Variants in DPP10 observed in about 807,000 individuals in gnomAD.
The protein encoded by DPP10 is dipeptidyl peptidase like 10.
In DPP10, 33 loss-of-function variants were observed where a neutral mutation model predicts 120.9. The observed-to-expected ratio is 0.27, with a 90% confidence interval of 0.21 to 0.37. DPP10 has a LOEUF of 0.37. Among genes scored for constraint, DPP10 ranks in the 10% least tolerant of loss-of-function variants. The pLI, the probability that DPP10 is intolerant of heterozygous loss-of-function variation, is 1.00. For missense variants in DPP10, 816 were observed against 942.8 expected, an observed-to-expected ratio of 0.87 and a Z score of 1.76; for synonymous variants, 337 against 326.1, an observed-to-expected ratio of 1.03 and a Z score of -0.36.
At chr2:115,699,843 C>A (rs1456760345) in intron 7 of DPP10, among the ~76,000 whole-genome samples, 1 of 152,176 alleles carries the variant, frequency 6.6e-6, no homozygotes, top group African/African-American at 2.4e-5. Flanking sequence ...AACTGGGATT[C>A]ATTCTTGAAA....
At chr2:115,479,201 A>G (rs956991940) in intron 3 of DPP10, among the ~76,000 whole-genome samples, 6 of 152,172 alleles carry the variant, frequency 3.9e-5, no homozygotes, top group African/African-American at 1.4e-4. Flanking sequence ...TGGGATATAC[A>G]TACAATGGGA....
chr2:114,630,127 T>G (rs752928962), intron 1 of DPP10, among the ~76,000 whole-genome samples: 12 of 152,138 alleles, frequency 7.9e-5, no homozygotes, highest in Non-Finnish European at 1.6e-4. Flanking sequence ...AGATGATCGT[T>G]TTTTCTCTCT....
intron 1 of DPP10, among the ~76,000 whole-genome samples, chr2:114,872,575 T>C (rs1690777167): frequency 6.6e-6 from 1 of 152,202 alleles, no homozygotes; most frequent in African/African-American, 2.4e-5. Flanking sequence ...GGTACTTCAA[T>C]TGTATAGCTA....
At chr2:115,616,773 A>G (rs114750860) in intron 5 of DPP10, among the ~76,000 whole-genome samples, 8,782 of 151,860 alleles carry the variant, frequency 0.058, 365 homozygotes, top group Middle Eastern at 0.12. Flanking sequence ...GTCTCTTTTA[A>G]TTTCTAAAAA....
chr2:115,255,162 T>A (rs759217216), intron 1 of DPP10, among the ~76,000 whole-genome samples: 44 of 152,250 alleles, frequency 2.9e-4, no homozygotes, highest in Admixed American at 1.3e-3. Flanking sequence ...TTCTGAAATC[T>A]AGGCGGAGGT....
intron 1 of DPP10, among the ~76,000 whole-genome samples, chr2:114,512,402 G>A (rs1684220382): frequency 6.6e-6 from 1 of 152,022 alleles, no homozygotes; most frequent in South Asian, 2.1e-4. Context: ...ACGTTCATTT[G>A]TCTCACAAAC....
intron 1 of DPP10, among the ~76,000 whole-genome samples, chr2:114,966,237 T>A (rs753071656): frequency 1.2e-3 from 185 of 152,240 alleles, no homozygotes; most frequent in Non-Finnish European, 1.8e-3. Flanking sequence ...GGTTTGTTCT[T>A]GCCCAAACTC....
intron 1 of DPP10, among the ~76,000 whole-genome samples, chr2:114,497,333 A>T (rs1255280753): frequency 3.8e-5 from 1 of 26,180 alleles, no homozygotes; most frequent in East Asian, 1.1e-3. Context: ...ACGTGTATAC[A>T]TGTACATATA....
intron 2 of DPP10, among the ~76,000 whole-genome samples, chr2:115,337,773 A>G (rs1158716185): frequency 1.3e-5 from 2 of 151,500 alleles, no homozygotes; most frequent in Non-Finnish European, 2.9e-5. Flanking sequence ...TCTTTATTCT[A>G]GGAATGAAAA....
chr2:115,470,296 T>G (rs1299690792), intron 3 of DPP10, among the ~76,000 whole-genome samples: 1 of 152,284 alleles, frequency 6.6e-6, no homozygotes, highest in East Asian at 1.9e-4. Flanking sequence ...GGTAAAACTG[T>G]TTCTGTTACA....
chr2:115,841,640 G>A (rs10168785), intron 25 of DPP10, among the ~76,000 whole-genome samples: 5,342 of 152,168 alleles, frequency 0.035, 320 homozygotes, highest in African/African-American at 0.12. Flanking sequence ...GCAATGAGGC[G>A]CCATTTAAAC....
At chr2:115,748,367 T>C (rs1678276365) in intron 10 of DPP10, among the ~76,000 whole-genome samples, 1 of 152,000 alleles carries the variant, frequency 6.6e-6, no homozygotes, top group Non-Finnish European at 1.5e-5. Flanking sequence ...TCTTTTTTAG[T>C]ACTTTTTTCC....
At chr2:114,487,158 G>A (rs1263066187) in intron 1 of DPP10, among the ~76,000 whole-genome samples, 2 of 152,126 alleles carry the variant, frequency 1.3e-5, no homozygotes, top group Non-Finnish European at 2.9e-5. Context: ...GAAAATTTTT[G>A]TTCCATATCT....
At chr2:115,766,891 A>G (rs960131225) in intron 12 of DPP10, among the ~76,000 whole-genome samples, 2 of 152,156 alleles carry the variant, frequency 1.3e-5, no homozygotes, top group Non-Finnish European at 2.9e-5. Flanking sequence ...GGTTACTGCT[A>G]AACCATTCGT....
chr2:115,120,506 A>G (rs192741130), intron 1 of DPP10, among the ~76,000 whole-genome samples: 11 of 152,290 alleles, frequency 7.2e-5, no homozygotes, highest in African/African-American at 2.6e-4. Context: ...AAAACACAAT[A>G]AAGTCTGACC....
intron 4 of DPP10, among the ~76,000 whole-genome samples, chr2:115,514,401 T>C (rs1013473986): frequency 6.6e-6 from 1 of 151,754 alleles, no homozygotes; most frequent in South Asian, 2.1e-4. Flanking sequence ...TGGTTTTCCT[T>C]CTTTTTAAAT....
chr2:115,679,899 GA>G (rs2090532057), intron 5 of DPP10, among the ~76,000 whole-genome samples: 1 of 149,892 alleles, frequency 6.7e-6, no homozygotes, highest in Admixed American at 6.6e-5. Context: ...ATTATAGCTA[GA>G]AAAAAGAAGG....
chr2:115,166,528 T>C (rs2052871824), intron 1 of DPP10, among the ~76,000 whole-genome samples: 1 of 141,656 alleles, frequency 7.1e-6, no homozygotes, highest in South Asian at 2.1e-4. Flanking sequence ...AATATAAATA[T>C]ATATATAAAT....
At chr2:114,769,199 C>A (rs1681023943) in intron 1 of DPP10, among the ~76,000 whole-genome samples, 1 of 152,086 alleles carries the variant, frequency 6.6e-6, no homozygotes, top group South Asian at 2.1e-4. Context: ...CGATAAAACC[C>A]AGGAATCAGA....
Sources: allele counts gnomAD v4.1 joint callset (sites outside exome capture counted in the v4.1 genomes callset), GRCh38; gene constraint gnomAD v4.1.1; transcripts MANE v1.5; gene names NCBI Gene and HGNC (gene_info 2026-07-23, HGNC 2026-07-21).